The following CPM variants were observed in gnomAD, a reference collection of about 807,000 sequenced individuals.
The protein encoded by CPM is renal carboxypeptidase.
CPM carries 35 observed loss-of-function variants against 46.4 expected under a neutral mutation model. The ratio of observed to expected loss-of-function variants is 0.75; its 90% CI spans 0.58 to 1.00. The LOEUF is 1.00. Among genes scored for constraint, CPM ranks in the 50% least tolerant of loss-of-function variants. The probability of loss-of-function intolerance (pLI) is 0.00; values close to 1 mark genes in which losing one functional copy is unlikely to be tolerated. For missense variants in CPM, 422 were observed against 530.4 expected (o/e 0.80, Z 2.01); for synonymous variants, 195 against 195.3 (o/e 1.00, Z 0.01).
chr12:68,845,753 A>G (rs1884242508), intron 5 of CPM: 1 of 159,258 alleles, frequency 6.3e-6, no homozygotes, highest in Non-Finnish European at 1.4e-5. Flanking sequence ...TCCTAATTCC[A>G]AAATTTCACC....
At chr12:68,950,837 G>A (rs997903141) in intron 1 of CPM, among the ~76,000 whole-genome samples, 1 of 152,186 alleles carries the variant, frequency 6.6e-6, no homozygotes. Context: ...AGTCTGTCTG[G>A]AGGCCCAGCT....
At chr12:68,900,623 C>A (rs1257668318) in intron 2 of CPM, among the ~76,000 whole-genome samples, 2 of 152,052 alleles carry the variant, frequency 1.3e-5, no homozygotes, top group African/African-American at 4.8e-5. Context: ...TGAAAGGAAC[C>A]AAGAGGTCCT....
intron 2 of CPM, among the ~76,000 whole-genome samples, chr12:68,927,073 A>C (rs942670443): frequency 6.6e-6 from 1 of 152,078 alleles, no homozygotes; most frequent in African/African-American, 2.4e-5. Flanking sequence ...CTTTGGGTAT[A>C]TACCCAGTAA....
At chr12:68,955,099 G>A (rs1367402368) in intron 1 of CPM, among the ~76,000 whole-genome samples, 1 of 152,112 alleles carries the variant, frequency 6.6e-6, no homozygotes, top group Non-Finnish European at 1.5e-5. Context: ...TGTGGAATCC[G>A]GGCCAGTAGC....
intron 3 of CPM, among the ~76,000 whole-genome samples, chr12:68,884,110 G>GAAAAA (rs35514888): frequency 4.7e-5 from 3 of 63,876 alleles, no homozygotes; most frequent in East Asian, 5.3e-4. Context: ...AATTCCATCG[G>GAAAAA]AAAAAAAAAA....
At chr12:68,923,569 C>T (rs978305660) in intron 2 of CPM, among the ~76,000 whole-genome samples, 7 of 152,144 alleles carry the variant, frequency 4.6e-5, no homozygotes, top group African/African-American at 7.2e-5. Flanking sequence ...TTTTATCATG[C>T]TGGCATACAA....
chr12:68,932,051 G>C (rs1888534091), intron 2 of CPM, among the ~76,000 whole-genome samples: 1 of 151,988 alleles, frequency 6.6e-6, no homozygotes, highest in Admixed American at 6.6e-5. Flanking sequence ...TCTTCAAATG[G>C]ATACATTTTA....
intron 2 of CPM, among the ~76,000 whole-genome samples, chr12:68,907,244 T>C (rs1474700869): frequency 2.0e-5 from 3 of 152,240 alleles, no homozygotes; most frequent in Non-Finnish European, 4.4e-5. Flanking sequence ...CATCAGAGTA[T>C]AATTCTTTCC....
intron 2 of CPM, among the ~76,000 whole-genome samples, chr12:68,928,512 C>T (rs533747041): frequency 4.3e-4 from 65 of 152,300 alleles, no homozygotes; most frequent in African/African-American, 1.5e-3. Flanking sequence ...CTCTGTGCCT[C>T]ATTTTACCTG....
At chr12:68,888,280 T>C (rs1565781699) in intron 2 of CPM, among the ~76,000 whole-genome samples, 1 of 152,216 alleles carries the variant, frequency 6.6e-6, no homozygotes, top group African/African-American at 2.4e-5. Flanking sequence ...GGATATCCAA[T>C]ATTATTTAAA....
At chr12:68,929,431 T>A (rs1888412560) in intron 2 of CPM, among the ~76,000 whole-genome samples, 1 of 152,198 alleles carries the variant, frequency 6.6e-6, no homozygotes, top group Non-Finnish European at 1.5e-5. Flanking sequence ...AACGAACTGA[T>A]GAACACTGTA....
intron 2 of CPM, among the ~76,000 whole-genome samples, chr12:68,917,450 C>A (rs1887857853): frequency 6.6e-6 from 1 of 152,208 alleles, no homozygotes; most frequent in Admixed American, 6.5e-5. Flanking sequence ...ATTTCACTAA[C>A]TATACTTTGG....
At chr12:68,858,451 T>C (rs1168001581) in intron 8 of CPM, among the ~76,000 whole-genome samples, 3 of 152,220 alleles carry the variant, frequency 2.0e-5, no homozygotes, top group African/African-American at 7.2e-5. Flanking sequence ...CTGCAAAATA[T>C]GTTTATCATT....
intron 2 of CPM, among the ~76,000 whole-genome samples, chr12:68,886,598 T>C (rs189058961): frequency 5.9e-5 from 9 of 152,172 alleles, no homozygotes; most frequent in African/African-American, 2.2e-4. Flanking sequence ...CGCCACTGCA[T>C]TCCAGCCCTG....
chr12:68,938,762 A>G (rs1172883896), intron 1 of CPM, among the ~76,000 whole-genome samples: 1 of 151,804 alleles, frequency 6.6e-6, no homozygotes, highest in East Asian at 1.9e-4. Flanking sequence ...AACCAGCAGG[A>G]TAACAAAGCC....
chr12:68,937,080 T>C (rs1888685212), upstream of CPM, among the ~76,000 whole-genome samples: 1 of 152,238 alleles, frequency 6.6e-6, no homozygotes, highest in African/African-American at 2.4e-5. Flanking sequence ...ATGACATTTA[T>C]GCTGTTTCAA....
At chr12:68,885,280 A>G (rs1886379922) in intron 3 of CPM, among the ~76,000 whole-genome samples, 1 of 152,196 alleles carries the variant, frequency 6.6e-6, no homozygotes, top group South Asian at 2.1e-4. Context: ...AGAGAATCAT[A>G]AGTGTGATTG....
At chr12:68,932,358 G>T (rs1159621897) in intron 2 of CPM, among the ~76,000 whole-genome samples, 1 of 152,180 alleles carries the variant, frequency 6.6e-6, no homozygotes, top group Non-Finnish European at 1.5e-5. Context: ...GGACTTACTT[G>T]GGAGTTTATC....
Position 68,950,975 on chromosome 12 carries a change from TG to T in CPM, c.-4+12193del, listed in dbSNP as rs1025934776. 2.0e-5 allele frequency among the ~76,000 whole-genome samples: 3 copies of T among 152,218 alleles called. 1 individual carries two copies. Among genetic ancestry groups the T allele is most frequent in the African/African-American group, 7.2e-5 (3 of 41,460 alleles). ...AGAAGCCATAGCATAGAGCTTTTAA[TG>T]ATCTCCCACAATTGCATAAGGTCCA... On this transcript the variant is annotated intron_variant, in intron 1 of 8. Transcript: ENST00000546373.
Sources: allele counts gnomAD v4.1 joint callset (sites outside exome capture counted in the v4.1 genomes callset), GRCh38; gene constraint gnomAD v4.1.1; transcripts MANE v1.5; gene names NCBI Gene and HGNC (gene_info 2026-07-23, HGNC 2026-07-21).